Variants in CORO2A observed in about 807,000 individuals in gnomAD.
CORO2A encodes coronin 2A.
In CORO2A, 47 loss-of-function variants were observed where a neutral mutation model predicts 62.4. The observed-to-expected ratio is 0.75, with a 90% CI of 0.60 to 0.96. The LOEUF (loss-of-function observed/expected upper bound fraction) is 0.96. CORO2A is among the 40% of genes least tolerant of loss of function. The pLI, the probability that CORO2A is intolerant of heterozygous loss-of-function variation, is 0.00. For missense variants in CORO2A, 610 were observed against 684.1 expected, an observed-to-expected ratio of 0.89 and a Z score of 1.21; for synonymous variants, 273 against 268.9, an observed-to-expected ratio of 1.02 and a Z score of -0.15.
At chr9:98,135,843 A>T (rs1319679157) in intron 3 of CORO2A, among the ~76,000 whole-genome samples, 1 of 152,208 alleles carries the variant, frequency 6.6e-6, no homozygotes, top group Non-Finnish European at 1.5e-5. Flanking sequence ...GAGAGTAGTG[A>T]CAGGCTCCAG....
intron 1 of CORO2A, among the ~76,000 whole-genome samples, chr9:98,167,804 T>C (rs1354510832): frequency 6.6e-6 from 1 of 152,226 alleles, no homozygotes; most frequent in Non-Finnish European, 1.5e-5. Context: ...TGAAATGATA[T>C]AACATCTGGG....
chr9:98,151,868 G>T (rs1461328061), intron 2 of CORO2A, among the ~76,000 whole-genome samples: 1 of 145,388 alleles, frequency 6.9e-6, no homozygotes, highest in Non-Finnish European at 1.5e-5. Flanking sequence ...CCAGGCTGGA[G>T]TACAGTGGCG....
Position 98,130,954 on chromosome 9 carries a change from C to G in CORO2A, c.870+1G>C. The G allele has an allele frequency of 1.2e-6, 2 of 1,613,182 alleles. No individual in the cohort carries two copies. The highest frequency in any genetic ancestry group is 1.3e-5 in the African/African-American group (1 of 75,010). On this transcript the variant is annotated splice_donor_variant, in intron 7 of 11. Coordinates refer to ENST00000375077, the MANE Select transcript of CORO2A (RefSeq NM_052820.4). LOFTEE classifies it high-confidence loss of function. ...TCACCTCCCTCCCGTGCCAAGCCGACCTTCCCCACCACGTAGAGCATGCTG... is the reference window on the plus strand; with the variant it reads ...TCACCTCCCTCCCGTGCCAAGCCGAGCTTCCCCACCACGTAGAGCATGCTG...
At chr9:98,147,948 A>C (rs1827665423) in intron 2 of CORO2A, among the ~76,000 whole-genome samples, 1 of 152,166 alleles carries the variant, frequency 6.6e-6, no homozygotes, top group Admixed American at 6.5e-5. Flanking sequence ...ACTATTCAGC[A>C]GTAAGAAAGG....
In CORO2A at chr9:98,123,121, G is replaced by A. The variant is rs898749398; in HGVS notation, c.*1653C>T. On this transcript the variant is annotated 3_prime_UTR_variant, in exon 12 of 12. Transcript: ENST00000375077. ...GAAGAAACTGAGACCAGAGAGGGCA[G>A]GACTTGCAAGAGGTCACTGAGTAAG... 5 of 152,294 alleles carry A rather than the reference G, an allele frequency of 3.3e-5. No homozygotes were observed. Among genetic ancestry groups the A allele is most frequent in the Non-Finnish European group, 5.9e-5 (4 of 68,108 alleles). 9.4% of individuals were successfully genotyped at this position (152,294 alleles called of 1,614,324 possible). A position where few individuals can be genotyped will look rare whatever the true frequency, so the allele number is the denominator to read the frequency against.
intron 10 of CORO2A, among the ~76,000 whole-genome samples, chr9:98,127,805 G>A (rs1355989393): frequency 8.5e-6 from 1 of 117,374 alleles, no homozygotes; most frequent in East Asian, 2.7e-4. Flanking sequence ...GCAACAAAGC[G>A]AGACTCTGTC....
chr9:98,151,912 G>A (rs569658848), intron 2 of CORO2A, among the ~76,000 whole-genome samples: 2 of 151,044 alleles, frequency 1.3e-5, no homozygotes, highest in South Asian at 4.2e-4. Flanking sequence ...TGCCTCCCGG[G>A]TTCACGCCAT....
intron 1 of CORO2A, among the ~76,000 whole-genome samples, chr9:98,186,765 G>T (rs908033081): frequency 6.6e-6 from 1 of 152,134 alleles, no homozygotes; most frequent in African/African-American, 2.4e-5. Context: ...TTAGATGGTG[G>T]TAAGAAGTGC....
intron 2 of CORO2A, among the ~76,000 whole-genome samples, chr9:98,150,803 G>A (rs1827713485): frequency 1.3e-5 from 2 of 152,092 alleles, no homozygotes; most frequent in Admixed American, 6.5e-5. Flanking sequence ...CATCTATAGG[G>A]GGTCCTTCCC....
chr9:98,168,942 C>T (rs945651488), intron 1 of CORO2A, among the ~76,000 whole-genome samples: 3 of 152,206 alleles, frequency 2.0e-5, no homozygotes, highest in Non-Finnish European at 4.4e-5. Context: ...TTGTGCATCT[C>T]TCCGGGCTGG....
intron 6 of CORO2A, 23 bp from the exon 7 acceptor site, chr9:98,131,082 G>A (rs1022746930): frequency 1.3e-6 from 2 of 1,562,300 alleles, no homozygotes; most frequent in Non-Finnish European, 1.8e-6. Context: ...GGGAGGCAGG[G>A]AAGGCCTGGG....
chr9:98,190,356 A>G (rs777058522), intron 1 of CORO2A, among the ~76,000 whole-genome samples: 1 of 152,246 alleles, frequency 6.6e-6, no homozygotes, highest in African/African-American at 2.4e-5. Context: ...GCGAATCCCT[A>G]TAGCCTTGCC....
At chr9:98,191,253 C>G (rs751789178) in intron 1 of CORO2A, among the ~76,000 whole-genome samples, 1 of 89,038 alleles carries the variant, frequency 1.1e-5, no homozygotes, top group Non-Finnish European at 2.6e-5. Flanking sequence ...ACCTCTCAGA[C>G]GGTCCCCAGG....
intron 1 of CORO2A, among the ~76,000 whole-genome samples, chr9:98,160,689 C>CA (rs1827872691): frequency 6.6e-6 from 1 of 152,184 alleles, no homozygotes; most frequent in Non-Finnish European, 1.5e-5. Context: ...CAGGCCCCCC[C>CA]ACTCCTCCCT....
chr9:98,155,340 CA>C (rs1295174181), intron 2 of CORO2A, among the ~76,000 whole-genome samples: 1 of 132,182 alleles, frequency 7.6e-6, no homozygotes, highest in Non-Finnish European at 1.6e-5. Context: ...TTTTATTGCT[CA>C]ATTTTTTTTT....
chr9:98,173,729 A>G (rs746414757), intron 1 of CORO2A, among the ~76,000 whole-genome samples: 35 of 152,314 alleles, frequency 2.3e-4, no homozygotes, highest in Non-Finnish European at 4.9e-4. Context: ...TCAGAGTCAG[A>G]GAAACCTGGA....
chr9:98,126,994 T>C (rs1827331186), intron 10 of CORO2A, 171 bp from the exon 11 acceptor site: 1 of 704,532 alleles, frequency 1.4e-6, no homozygotes, highest in African/African-American at 1.8e-5. Flanking sequence ...AGAGCAGGGC[T>C]AACAGATACA....
At chr9:98,129,011 C>T (rs946697671) in intron 8 of CORO2A, among the ~76,000 whole-genome samples, 2 of 152,222 alleles carry the variant, frequency 1.3e-5, no homozygotes, top group African/African-American at 2.4e-5. Flanking sequence ...TAGCTCACCG[C>T]AGTCTCACAC....
At chr9:98,151,402 A>C (rs1422136577) in intron 2 of CORO2A, among the ~76,000 whole-genome samples, 1 of 152,152 alleles carries the variant, frequency 6.6e-6, no homozygotes, top group Non-Finnish European at 1.5e-5. Flanking sequence ...TTTCCTTCTA[A>C]GCGTTGCTTG....
Sources: gnomAD v4.1 joint callset for allele counts (sites outside exome capture counted in the v4.1 genomes callset) on GRCh38, gnomAD v4.1.1 for gene constraint, MANE v1.5 for transcripts, NCBI Gene and HGNC (gene_info 2026-07-23, HGNC 2026-07-21) for gene names.